The following ZFC3H1 variants were observed in gnomAD, a reference collection of about 807,000 sequenced individuals.
ZFC3H1 encodes the protein zinc finger C3H1-type containing.
Under a neutral mutation model 243.7 loss-of-function variants are expected in ZFC3H1, and 71 were observed. That is an observed-to-expected ratio of 0.29 (90% confidence interval 0.24 to 0.36). ZFC3H1 has a LOEUF of 0.36. Ranked by LOEUF, ZFC3H1 falls within the 10% of genes least tolerant of loss-of-function variation. The probability of loss-of-function intolerance (pLI) is 1.00; values close to 1 mark genes in which losing one functional copy is unlikely to be tolerated. For synonymous variants in ZFC3H1, 838 were observed against 813.0 expected, an observed-to-expected ratio of 1.03 and a Z score of -0.52; for missense variants, 1,966 against 2,317.1, an observed-to-expected ratio of 0.85 and a Z score of 3.11.
chr12:71,657,921 G>A (rs1448649145), intron 1 of ZFC3H1, among the ~76,000 whole-genome samples: 5 of 151,772 alleles, frequency 3.3e-5, no homozygotes, highest in Admixed American at 6.6e-5. Context: ...CTCAGGAGGC[G>A]GAGGTTGCAG....
chr12:71,617,790 A>C (rs931675147), intron 27 of ZFC3H1, among the ~76,000 whole-genome samples: 5 of 152,182 alleles, frequency 3.3e-5, no homozygotes, highest in African/African-American at 1.2e-4. Flanking sequence ...AAATTATTTC[A>C]TTTGTAATTA....
chr12:71,642,878 G>A (rs953697739), intron 5 of ZFC3H1, among the ~76,000 whole-genome samples: 3 of 152,108 alleles, frequency 2.0e-5, no homozygotes, highest in Non-Finnish European at 4.4e-5. Flanking sequence ...TATGACTTCT[G>A]TATGATTAAG....
At chr12:71,630,327 ACTTT>A (rs763911160) in intron 18 of ZFC3H1, among the ~76,000 whole-genome samples, 4 of 152,314 alleles carry the variant, frequency 2.6e-5, no homozygotes, top group Admixed American at 6.5e-5. Context: ...TGTCCAAAGA[ACTTT>A]CTGAAATGTT....
rs189363800 is a variant in ZFC3H1 at position 71,617,073 on chromosome 12, T to C, written c.5145-1757A>G. Among the ~76,000 whole-genome samples, 272 of 152,218 alleles carry C rather than the reference T, an allele frequency of 1.8e-3. 3 individuals carry two copies. The highest frequency in any genetic ancestry group is 4.0e-3 in the Admixed American group (61 of 15,290). ...TTTATACTAAATGTCACATAGAGAGTTGACAGAATTCAACTCCAGGTAAAA... is the reference window on the plus strand; with the variant it reads ...TTTATACTAAATGTCACATAGAGAGCTGACAGAATTCAACTCCAGGTAAAA... On this transcript the variant is annotated intron_variant, in intron 27 of 34. Coordinates refer to ENST00000378743, the MANE Select transcript of ZFC3H1 (RefSeq NM_144982.5).
At chr12:71,622,394 A>G (rs1403796011) in intron 24 of ZFC3H1, among the ~76,000 whole-genome samples, 1 of 152,140 alleles carries the variant, frequency 6.6e-6, no homozygotes, top group Non-Finnish European at 1.5e-5. Flanking sequence ...GCCAATCTAT[A>G]ATAATCTCTT....
chr12:71,628,858 A>T, intron 20 of ZFC3H1, 60 bp downstream of exon 20: 1 of 1,504,822 alleles, frequency 6.6e-7, no homozygotes. Context: ...GCAAAGTGTT[A>T]AATAAAGATG....
rs765687301 is a variant in ZFC3H1 at position 71,614,567 on chromosome 12, C to T, written c.5494G>A (p.Asp1832Asn). 1 of 1,608,560 alleles carries T rather than the reference C, an allele frequency of 6.2e-7. No homozygotes were observed. The highest frequency in any genetic ancestry group is 8.5e-7 in the Non-Finnish European group (1 of 1,177,742). ...ARYPIPFSSA[D>N]YWSNYEFHNR... ...TGAAATTCATAGTTGGACCAGTAAT[C>T]AGCACTGCTAAAAGGAATGGGGTAT... Residue 1832 changes from aspartate to asparagine, a missense_variant, in exon 30 of 35, where the codon GAT becomes AAT. Coordinates refer to ENST00000378743, the MANE Select transcript of ZFC3H1 (RefSeq NM_144982.5).
At position 71,657,157 on chromosome 12, in the gene ZFC3H1, A is replaced by G; in HGVS notation, c.743T>C (p.Leu248Pro). 6.2e-7 allele frequency: 1 copy of G among 1,613,914 alleles called. No homozygotes were observed. The highest frequency in any genetic ancestry group is 8.5e-7 in the Non-Finnish European group (1 of 1,179,920). ...ELECINKDEK[L>P]ALSSKEENVQ... The stretch of plus-strand genomic sequence containing the variant: ...ATTCTCTTCTTTGCTACTCAATGCT[A>G]GTTTTTCATCCTTATTGATGCATTC... Residue 248 changes from leucine to proline, a missense_variant, in exon 2 of 35, where the codon CTA becomes CCA. Transcript: ENST00000378743.
intron 32 of ZFC3H1, 86 bp downstream of exon 32, chr12:71,611,700 G>C: frequency 3.5e-6 from 1 of 285,540 alleles, no homozygotes; most frequent in Admixed American, 5.0e-5. Context: ...TATATATATA[G>C]ATGTCATTTC....
At chr12:71,619,522 T>C (rs1362479750) in intron 26 of ZFC3H1, 113 bp from the exon 27 acceptor site, 1 of 964,608 alleles carries the variant, frequency 1.0e-6, no homozygotes. Context: ...GTTTCTTGAG[T>C]GGGTAAGGGG....
At position 71,642,287 on chromosome 12, in the gene ZFC3H1, T is replaced by C. The variant is rs114508871; in HGVS notation, c.1627+149A>G. The stretch of plus-strand genomic sequence containing the variant: ...TTATTTGAGGTTTGCTCTCTAAGTA[T>C]TTACAACAACAAATAATGTCTATCG... On this transcript the variant is annotated intron_variant, in intron 6 of 34. Transcript: ENST00000378743. The C allele has an allele frequency of 1.7e-3, 1,405 of 848,684 alleles. 17 individuals carry two copies. The African/African-American group carries it at 0.022, about 13-fold the overall frequency. The allele number at this position is 848,684 out of a possible 1,614,324, so 52.6% of individuals were successfully genotyped here.
intron 2 of ZFC3H1, among the ~76,000 whole-genome samples, chr12:71,653,677 A>G (rs1308734655): frequency 6.6e-6 from 1 of 152,244 alleles, no homozygotes; most frequent in African/African-American, 2.4e-5. Context: ...CTGATAGATG[A>G]GTTTTGAAAA....
chr12:71,628,794 C>T (rs1251474267), intron 20 of ZFC3H1, 124 bp downstream of exon 20: 4 of 984,466 alleles, frequency 4.1e-6, no homozygotes, highest in African/African-American at 1.7e-5. Context: ...CCAATGGCAT[C>T]GTTTTTAAAA....
In ZFC3H1 at chr12:71,623,316, A is replaced by T. The variant is rs1248049941; in HGVS notation, c.4744+44T>A. On this transcript the variant is annotated intron_variant, in intron 24 of 34. Transcript: ENST00000378743. ...TGGGTAGTTAATGTTCTAAACACTG[A>T]TGTTATAACAGTTGATATTACAATT... 2.1e-6 allele frequency: 3 copies of T among 1,437,764 alleles called. No individual in the cohort carries two copies. In the East Asian group the frequency reaches 7.0e-5, roughly 34 times the overall value. 89.1% of individuals were successfully genotyped at this position (1,437,764 alleles called of 1,614,324 possible).
chr12:71,663,390 G>C lies in ZFC3H1; in HGVS notation c.221C>G (p.Ser74Trp). 1 of 1,612,216 alleles carries C rather than the reference G, an allele frequency of 6.2e-7. No individual in the cohort carries two copies. The change falls in exon 1 of 35, where the codon TCG becomes TGG. Residue 74 changes from serine (S) to tryptophan (W), a missense_variant. By Grantham distance (177) the Ser-to-Trp change is radical. Coordinates refer to ENST00000378743, the MANE Select transcript of ZFC3H1 (RefSeq NM_144982.5). ...CTGCTGCTGAGAAGAGGACGATGAC[G>C]AGGAAGAGCCACCGCCTCCGCCAGA... is the stretch of plus-strand genomic sequence containing the variant. ...GGSGGGGGSS[S>W]SSSSSQQQLR...
chr12:71,658,664 G>A (rs763872791), intron 1 of ZFC3H1, among the ~76,000 whole-genome samples: 1 of 152,056 alleles, frequency 6.6e-6, no homozygotes, highest in Non-Finnish European at 1.5e-5. Flanking sequence ...ACACCTCACA[G>A]GGCAAGCAGC....
At chr12:71,654,674 A>T (rs1014974121) in intron 2 of ZFC3H1, among the ~76,000 whole-genome samples, 8 of 152,182 alleles carry the variant, frequency 5.3e-5, no homozygotes, top group African/African-American at 1.9e-4. Flanking sequence ...GAAGAAAAAT[A>T]AGAGCCTAAA....
chr12:71,610,554 A>G lies in ZFC3H1; in HGVS notation c.5844T>C (p.Phe1948=). The G allele has an allele frequency of 6.2e-7, 1 of 1,613,352 alleles. No homozygotes were observed. The highest frequency in any genetic ancestry group is 8.5e-7 in the Non-Finnish European group (1 of 1,179,536). The change falls in exon 35 of 35, where the codon TTT becomes TTC. Residue 1948 remains phenylalanine (F), a synonymous_variant. Transcript: ENST00000378743. ...CASLWKDQLL[F]EASEGGKTDN... Reference sequence around the variant, plus strand: ...CAGTTTTACCTCCTTCTGATGCTTCAAACAAGAGTTGCTGTAAAAGACAGG... The same window carrying G: ...CAGTTTTACCTCCTTCTGATGCTTCGAACAAGAGTTGCTGTAAAAGACAGG...
intron 22 of ZFC3H1, 63 bp downstream of exon 22, chr12:71,626,197 T>C (rs1389075568): frequency 6.8e-7 from 1 of 1,476,040 alleles, no homozygotes; most frequent in Non-Finnish European, 9.1e-7. Flanking sequence ...TTTAAGATGA[T>C]CCAAATAATT....
Sources: gnomAD v4.1 joint callset for allele counts (sites outside exome capture counted in the v4.1 genomes callset) on GRCh38, gnomAD v4.1.1 for gene constraint, MANE v1.5 for transcripts, NCBI Gene and HGNC (gene_info 2026-07-23, HGNC 2026-07-21) for gene names.